SMARCA4: variants seen among roughly 807,000 people sequenced by gnomAD.
SMARCA4 encodes the protein SWI/SNF-related matrix-associated actin-dependent regulator of chromatin subfamily A member 4.
SMARCA4 carries 31 observed loss-of-function variants against 193.9 expected under a neutral mutation model. That is an observed-to-expected ratio of 0.16 (90% confidence interval 0.12 to 0.22). The LOEUF is 0.22. SMARCA4 is among the 10% of genes least tolerant of loss of function. The pLI, the probability that SMARCA4 is intolerant of heterozygous loss-of-function variation, is 1.00. For synonymous variants in SMARCA4, 942 were observed against 933.1 expected (o/e 1.01, Z -0.17); for missense variants, 1,148 against 2,296.0 (o/e 0.50, Z 10.22).
intron 1 of SMARCA4, among the ~76,000 whole-genome samples, chr19:10,975,078 C>T (rs1374770153): frequency 7.6e-6 from 1 of 132,250 alleles, no homozygotes; most frequent in East Asian, 2.2e-4. Flanking sequence ...AGTGCAGTGG[C>T]GTGATCTTGG....
At chr19:10,994,323 T>TG (rs1176156752) in intron 8 of SMARCA4, among the ~76,000 whole-genome samples, 3 of 143,348 alleles carry the variant, frequency 2.1e-5, no homozygotes, top group East Asian at 2.0e-4. Context: ...TCTAGGTTTT[T>TG]TTTTTTTTTT....
chr19:11,032,777 G>A lies in SMARCA4; in HGVS notation c.3547-513G>A, dbSNP rs772876928. On this transcript the variant is annotated intron_variant, in intron 25 of 34. Transcript: ENST00000344626. ...GTGCTTATTCACTCATTCGAGGTAT[G>A]CAGTAGCCACGGGTTGGGCCCCATG... 111 of 227,672 alleles carry A rather than the reference G, an allele frequency of 4.9e-4. 1 individual carries two copies. The highest frequency in any genetic ancestry group is 8.5e-4 in the Admixed American group (17 of 19,896). The allele number at this position is 227,672 out of a possible 1,614,324, so 14.1% of individuals were successfully genotyped here.
rs76289424 is a variant in SMARCA4, at chr19:11,032,986, G to A, written c.3547-304G>A. ...CTGTGGGGAGCTGTGCCGCTGCCAC[G>A]GGAGCTGCTTGAGAATATAATCCCC... is the stretch of plus-strand genomic sequence containing the variant. On this transcript the variant is annotated intron_variant, in intron 25 of 34. Transcript: ENST00000344626. 0.065 allele frequency: 31,419 copies of A among 479,760 alleles called. 1,333 individuals are homozygous for A. The highest frequency in any genetic ancestry group is 0.12 in the South Asian group (6,065 of 48,916). The allele number at this position is 479,760 out of a possible 1,614,324, so 29.7% of individuals were successfully genotyped here.
At chr19:11,006,960 GCCTGTGGT>G (rs2088275260) in intron 13 of SMARCA4, among the ~76,000 whole-genome samples, 1 of 151,996 alleles carries the variant, frequency 6.6e-6, no homozygotes, top group Admixed American at 6.6e-5. Flanking sequence ...CATAGTGCAC[GCCTGTGGT>G]CCCAGCTACT....
Position 11,049,818 on chromosome 19 carries a change from CGGGCCA to C in SMARCA4, c.4424+8261_4424+8266del, listed in dbSNP as rs141770028. Among the ~76,000 whole-genome samples the C allele has an allele frequency of 2.1e-3, 315 of 152,310 alleles. 4 individuals carry two copies. Among genetic ancestry groups the C allele is most frequent in the African/African-American group, 7.2e-3 (301 of 41,580 alleles). On this transcript the variant is annotated intron_variant, in intron 30 of 34. Coordinates refer to ENST00000344626, the MANE Select transcript of SMARCA4 (RefSeq NM_003072.5). ...AGATGCTGCTACAATAAAGACCATGCGGGCCAGGCGCAGGCGCTCACATCTGTAATC... is the reference window on the plus strand; with the variant it reads ...AGATGCTGCTACAATAAAGACCATGCGGCGCAGGCGCTCACATCTGTAATC...
chr19:10,988,249 T>C (rs2086243384), intron 6 of SMARCA4, among the ~76,000 whole-genome samples: 1 of 152,088 alleles, frequency 6.6e-6, no homozygotes, highest in Non-Finnish European at 1.5e-5. Context: ...GCCTCCTGAG[T>C]AGCTGGGATT....
chr19:11,014,013 C>T (rs945379990), intron 16 of SMARCA4, among the ~76,000 whole-genome samples: 1 of 152,180 alleles, frequency 6.6e-6, no homozygotes, highest in Non-Finnish European at 1.5e-5. Flanking sequence ...CCAGGGCCGG[C>T]TCTTACTGGT....
In SMARCA4 at chr19:10,987,014, T is replaced by C; in HGVS notation, c.859+11T>C. 6.3e-7 allele frequency: 1 copy of C among 1,586,280 alleles called. No homozygotes were observed. The highest frequency in any genetic ancestry group is 1.7e-5 in the Admixed American group (1 of 59,930). ...AGCCCTGGCCTGAAGGTGAGCTCCC[T>C]CTTCTATGGTGGTGCACCCGTGCCC... On this transcript the variant is annotated intron_variant, in intron 5 of 34. Coordinates refer to ENST00000344626, the MANE Select transcript of SMARCA4 (RefSeq NM_003072.5). This position sits in a 1 kb window ranked among gnomAD's most constrained non-coding sequence, Gnocchi z 5.3.
In SMARCA4 at chr19:10,987,013, C is replaced by T. The variant is rs1060504457; in HGVS notation, c.859+10C>T. The T allele has an allele frequency of 6.3e-7, 1 of 1,590,876 alleles. No homozygotes were observed. Among genetic ancestry groups the T allele is most frequent in the Admixed American group, 1.7e-5 (1 of 59,950 alleles). On this transcript the variant is annotated intron_variant, in intron 5 of 34. Transcript: ENST00000344626. The surrounding 1 kb of genome is among the most constrained non-coding windows in gnomAD (Gnocchi z 5.3). ...AAGCCCTGGCCTGAAGGTGAGCTCC[C>T]TCTTCTATGGTGGTGCACCCGTGCC...
At chr19:11,017,041 C>G (rs569684276) in intron 16 of SMARCA4, among the ~76,000 whole-genome samples, 4 of 152,264 alleles carry the variant, frequency 2.6e-5, no homozygotes, top group Admixed American at 2.6e-4. Context: ...CTAGGAGATT[C>G]ATGTGCGCGT....
chr19:11,021,631 C>A (rs750796280), intron 18 of SMARCA4, 94 bp from the exon 19 acceptor site: 2 of 1,479,112 alleles, frequency 1.4e-6, no homozygotes, highest in Admixed American at 2.0e-5. Context: ...CCACCTGGAG[C>A]CTTCCTGGCT....
chr19:11,057,540 C>T (rs1402265238), intron 30 of SMARCA4, among the ~76,000 whole-genome samples: 1 of 152,090 alleles, frequency 6.6e-6, no homozygotes, highest in African/African-American at 2.4e-5. Flanking sequence ...ACCATCCTGA[C>T]CAACATGGTG....
intron 6 of SMARCA4, 150 bp from the exon 7 acceptor site, chr19:10,989,167 G>A: frequency 1.0e-6 from 1 of 963,742 alleles, no homozygotes; most frequent in Non-Finnish European, 1.6e-6. Flanking sequence ...CCTCTCTGCT[G>A]TGCCCTGCGG....
At chr19:11,037,331 C>T (rs1257719656) in intron 29 of SMARCA4, among the ~76,000 whole-genome samples, 3 of 152,170 alleles carry the variant, frequency 2.0e-5, no homozygotes, top group South Asian at 2.1e-4. Context: ...GCTGTTCCCT[C>T]GCCCGCTGAT....
Position 11,034,202 on chromosome 19 carries a change from T to C in SMARCA4, c.3951+2T>C, listed in dbSNP as rs1555785056. The C allele has an allele frequency of 1.9e-6, 3 of 1,612,450 alleles. No individual in the cohort carries two copies. Among genetic ancestry groups the C allele is most frequent in the Non-Finnish European group, 2.5e-6 (3 of 1,178,716 alleles). On this transcript the variant is annotated splice_donor_variant, in intron 28 of 34. Transcript: ENST00000344626. LOFTEE classifies it high-confidence loss of function. The surrounding 1 kb of genome is among the most constrained non-coding windows in gnomAD (Gnocchi z 7.0). Reference sequence around the variant, plus strand: ...GAGGAGGAGTTTGATCTGTTCATGGTAAGCGCTGCAGGCTGGATGGGGCAG... The same window carrying C: ...GAGGAGGAGTTTGATCTGTTCATGGCAAGCGCTGCAGGCTGGATGGGGCAG...
At chr19:10,973,967 T>C (rs941072947) in intron 1 of SMARCA4, among the ~76,000 whole-genome samples, 1 of 152,190 alleles carries the variant, frequency 6.6e-6, no homozygotes, top group Non-Finnish European at 1.5e-5. Context: ...TGCCCATTGC[T>C]GTTGTTCCGC....
chr19:11,000,331 G>A (rs553063663), intron 11 of SMARCA4, among the ~76,000 whole-genome samples: 67 of 151,924 alleles, frequency 4.4e-4, no homozygotes, highest in Middle Eastern at 6.8e-3. Flanking sequence ...GAGCCCAGGA[G>A]TTCGAAACCA....
chr19:10,967,476 A>AGTTTTT (rs1487016829), intron 1 of SMARCA4, among the ~76,000 whole-genome samples: 2 of 150,624 alleles, frequency 1.3e-5, no homozygotes, highest in African/African-American at 4.9e-5. Flanking sequence ...ACGCCCGGCT[A>AGTTTTT]ATTTTTTGTA....
At chr19:11,023,401 G>A (rs959781166) in intron 19 of SMARCA4, 117 bp from the exon 20 acceptor site, 1 of 726,512 alleles carries the variant, frequency 1.4e-6, no homozygotes, top group South Asian at 1.5e-5. Flanking sequence ...CGTGCCAAGG[G>A]CAAGATCACC....
Sources: gnomAD v4.1 joint callset for allele counts (sites outside exome capture counted in the v4.1 genomes callset) on GRCh38, gnomAD v4.1.1 for gene constraint, Gnocchi (gnomAD v3.1) non-coding constraint, MANE v1.5 for transcripts, NCBI Gene and HGNC (gene_info 2026-07-23, HGNC 2026-07-21) for gene names.